Variants in BABAM2 observed in about 807,000 individuals in gnomAD.
BABAM2 encodes BRISC and BRCA1-A complex member 2.
BABAM2 carries 31 observed loss-of-function variants against 54.7 expected under a neutral mutation model. The ratio of observed to expected loss-of-function variants is 0.57; its 90% confidence interval spans 0.43 to 0.77. The LOEUF (loss-of-function observed/expected upper bound fraction) is 0.77, where lower values mean the gene tolerates loss of function less well. Among genes scored for constraint, BABAM2 ranks in the 30% least tolerant of loss-of-function variants. The pLI is 0.00. For missense variants in BABAM2, 364 were observed against 455.8 expected (o/e 0.80, Z 1.83); for synonymous variants, 167 against 162.9 (o/e 1.03, Z -0.19).
intron 7 of BABAM2, among the ~76,000 whole-genome samples, chr2:28,146,158 A>C (rs143887439): frequency 6.6e-6 from 1 of 152,166 alleles, no homozygotes; most frequent in African/African-American, 2.4e-5. Context: ...GAGTTGTAAG[A>C]GTTCTTTATA....
intron 6 of BABAM2, among the ~76,000 whole-genome samples, chr2:28,074,874 A>G (rs1664510628): frequency 6.6e-6 from 1 of 152,168 alleles, no homozygotes; most frequent in Non-Finnish European, 1.5e-5. Context: ...TGAAAATAAT[A>G]GGCTTTATTT....
At chr2:28,077,466 C>CA (rs1300838225) in intron 6 of BABAM2, among the ~76,000 whole-genome samples, 10 of 152,020 alleles carry the variant, frequency 6.6e-5, no homozygotes, top group African/African-American at 2.2e-4. Context: ...GTTTATTTCA[C>CA]AAAAAACTTG....
chr2:28,216,719 A>C (rs1679948599), intron 7 of BABAM2, among the ~76,000 whole-genome samples: 1 of 152,218 alleles, frequency 6.6e-6, no homozygotes, highest in South Asian at 2.1e-4. Context: ...GAAGCCCATG[A>C]AATATTCACC....
chr2:28,292,454 G>A (rs901430698), intron 10 of BABAM2, among the ~76,000 whole-genome samples: 1 of 152,172 alleles, frequency 6.6e-6, no homozygotes, highest in Non-Finnish European at 1.5e-5. Flanking sequence ...TTGAACAGAA[G>A]CTTCAGAAAA....
intron 11 of BABAM2, among the ~76,000 whole-genome samples, chr2:28,332,542 G>C (rs1328085086): frequency 6.6e-6 from 1 of 152,186 alleles, no homozygotes; most frequent in Non-Finnish European, 1.5e-5. Flanking sequence ...TCCTAGTGCA[G>C]TGCTCTTTCC....
intron 3 of BABAM2, among the ~76,000 whole-genome samples, chr2:27,981,859 G>C (rs531888133): frequency 2.6e-5 from 4 of 152,032 alleles, no homozygotes; most frequent in Non-Finnish European, 1.5e-5. Flanking sequence ...CTTCTGTTGG[G>C]TATATGTATA....
At chr2:28,187,967 C>T (rs1676501295) in intron 7 of BABAM2, among the ~76,000 whole-genome samples, 1 of 152,102 alleles carries the variant, frequency 6.6e-6, no homozygotes, top group Non-Finnish European at 1.5e-5. Flanking sequence ...TGCACCTGGA[C>T]TGGAATTATT....
intron 4 of BABAM2, among the ~76,000 whole-genome samples, chr2:27,999,933 A>G (rs1293215227): frequency 2.0e-5 from 3 of 152,280 alleles, no homozygotes; most frequent in East Asian, 1.9e-4. Context: ...TGCTTTTGGT[A>G]TACAGGATCT....
chr2:27,987,779 C>T (rs1048834307), intron 3 of BABAM2, among the ~76,000 whole-genome samples: 2 of 146,942 alleles, frequency 1.4e-5, no homozygotes, highest in Non-Finnish European at 3.0e-5. Context: ...GACACCGTTG[C>T]ACTCCAGTCT....
Position 28,208,376 on chromosome 2 carries a change from T to C in BABAM2, c.681-28826T>C, listed in dbSNP as rs369548142. On this transcript the variant is annotated intron_variant, in intron 7 of 11. Coordinates refer to ENST00000379624, the MANE Select transcript of BABAM2 (RefSeq NM_199191.3). The stretch of plus-strand genomic sequence containing the variant: ...TGTAAGCTCTGTAGGACAGTGGTTT[T>C]GAGACCTTTAAATTTTGTATTGTTG... 2.2e-4 allele frequency among the ~76,000 whole-genome samples: 33 copies of C among 152,332 alleles called. No individual in the cohort carries two copies. In the South Asian group the frequency reaches 5.4e-3, roughly 25 times the overall value.
At chr2:28,071,852 T>C (rs760369868) in intron 6 of BABAM2, among the ~76,000 whole-genome samples, 2 of 152,356 alleles carry the variant, frequency 1.3e-5, no homozygotes, top group South Asian at 2.1e-4. Flanking sequence ...CTTACCCTTA[T>C]TGAAATTCAT....
chr2:27,957,298 T>C (rs969992236), intron 3 of BABAM2, among the ~76,000 whole-genome samples: 1 of 152,216 alleles, frequency 6.6e-6, no homozygotes, highest in African/African-American at 2.4e-5. Context: ...CCAGTTACTA[T>C]TGAGGACCTA....
At chr2:27,972,212 A>C (rs1330330258) in intron 3 of BABAM2, among the ~76,000 whole-genome samples, 1 of 152,208 alleles carries the variant, frequency 6.6e-6, no homozygotes, top group Non-Finnish European at 1.5e-5. Flanking sequence ...GGCATATTTA[A>C]CCTGGAGAAG....
chr2:27,889,565 C>T (rs1299499469), upstream of BABAM2, among the ~76,000 whole-genome samples: 3 of 152,192 alleles, frequency 2.0e-5, no homozygotes, highest in Non-Finnish European at 2.9e-5. Context: ...TCTGTCTACT[C>T]AATCTTACTG....
At chr2:28,149,598 C>T (rs1436716649) in intron 7 of BABAM2, among the ~76,000 whole-genome samples, 1 of 152,214 alleles carries the variant, frequency 6.6e-6, no homozygotes, top group Non-Finnish European at 1.5e-5. Context: ...GGAGGTAGAA[C>T]ACAGGGTTTC....
intron 11 of BABAM2, chr2:28,327,353 C>T: frequency 6.2e-7 from 1 of 1,613,938 alleles, no homozygotes; most frequent in South Asian, 1.1e-5. Flanking sequence ...TGGCTGCAAG[C>T]TGCTCCAGCC....
rs546390010 is a variant in BABAM2 at position 28,279,341 on chromosome 2, C to T, written c.935-18997C>T. 4.6e-5 allele frequency among the ~76,000 whole-genome samples: 7 copies of T among 152,310 alleles called. No individual in the cohort carries two copies. The East Asian group carries it at 1.4e-3, about 29-fold the overall frequency. On this transcript the variant is annotated intron_variant, in intron 10 of 11. Transcript: ENST00000379624. ...TCAGCAGTGATGCACATCAGCAAAG[C>T]AGGGCCATCCATCTTGTGAGCTGCT...
At chr2:27,962,216 C>T (rs774845536) in intron 3 of BABAM2, among the ~76,000 whole-genome samples, 7 of 152,112 alleles carry the variant, frequency 4.6e-5, no homozygotes, top group Admixed American at 2.0e-4. Flanking sequence ...AGCAATCCTC[C>T]GGCTTCAGCC....
In BABAM2 at chr2:27,988,008, A is replaced by G. The variant is rs1219107964; in HGVS notation, c.221A>G (p.Asn74Ser). 1.9e-6 allele frequency: 3 copies of G among 1,612,520 alleles called. No homozygotes were observed. Among genetic ancestry groups the G allele is most frequent in the Non-Finnish European group, 2.5e-6 (3 of 1,178,738 alleles). ...TTTATTTCAGGGGATATCATTTTCA[A>G]TGCCCAATACCCAGAACTGCCTCCC... ...GETLKWDIIF[N>S]AQYPELPPDF... The change falls in exon 4 of 12, where the codon AAT becomes AGT. Residue 74 changes from asparagine (N) to serine (S), a missense_variant. Asn to Ser is a conservative substitution (Grantham distance 46). Transcript: ENST00000379624.
Sources: allele counts gnomAD v4.1 joint callset (sites outside exome capture counted in the v4.1 genomes callset), GRCh38; gene constraint gnomAD v4.1.1; transcripts MANE v1.5; gene names NCBI Gene and HGNC (gene_info 2026-07-23, HGNC 2026-07-21).